KIF5C: variants seen among roughly 807,000 people sequenced by gnomAD.
KIF5C encodes the protein kinesin heavy chain isoform 5C.
KIF5C carries 18 observed loss-of-function variants against 125.2 expected under a neutral mutation model. That is an observed-to-expected ratio of 0.14 (90% CI 0.10 to 0.21). The LOEUF is 0.21. Ranked by LOEUF, KIF5C falls within the 10% of genes least tolerant of loss-of-function variation. The probability of loss-of-function intolerance (pLI) is 1.00; values close to 1 mark genes in which losing one functional copy is unlikely to be tolerated. For missense variants in KIF5C, 780 were observed against 1,183.8 expected, an observed-to-expected ratio of 0.66 and a Z score of 5.01; for synonymous variants, 405 against 434.0, an observed-to-expected ratio of 0.93 and a Z score of 0.83.
intron 1 of KIF5C, among the ~76,000 whole-genome samples, chr2:148,901,117 A>T (rs1466183097): frequency 1.3e-5 from 2 of 152,200 alleles, no homozygotes; most frequent in Non-Finnish European, 2.9e-5. Context: ...TGTTGCGAGG[A>T]TATCTAATTG....
At chr2:148,925,699 A>G (rs944509657) in intron 2 of KIF5C, among the ~76,000 whole-genome samples, 1 of 152,104 alleles carries the variant, frequency 6.6e-6, no homozygotes, top group African/African-American at 2.4e-5. Context: ...TTATTTTATG[A>G]GTGGTCCCTG....
intron 22 of KIF5C, among the ~76,000 whole-genome samples, chr2:149,006,699 C>G (rs984807616): frequency 6.6e-6 from 1 of 152,194 alleles, no homozygotes; most frequent in Non-Finnish European, 1.5e-5. Flanking sequence ...TGGGCAATTT[C>G]AAGGCCTGCA....
intron 11 of KIF5C, among the ~76,000 whole-genome samples, chr2:148,963,313 C>T (rs116156384): frequency 1.5e-3 from 223 of 151,954 alleles, no homozygotes; most frequent in Non-Finnish European, 2.8e-3. Flanking sequence ...GGTAGGAGCC[C>T]GGGGGCTGTT....
intron 19 of KIF5C, chr2:148,998,782 A>T: frequency 3.6e-6 from 1 of 280,582 alleles, no homozygotes; most frequent in Non-Finnish European, 6.9e-6. Context: ...ATTCCGCTGG[A>T]TGGACGCATG....
intron 25 of KIF5C, 128 bp downstream of exon 25, chr2:149,011,811 G>T: frequency 1.5e-6 from 2 of 1,312,786 alleles, no homozygotes; most frequent in Non-Finnish European, 1.0e-6. Context: ...CACCCTGGGG[G>T]TTCCAGGTAA....
intron 1 of KIF5C, among the ~76,000 whole-genome samples, chr2:148,920,491 C>T (rs1196250127): frequency 6.6e-6 from 1 of 152,168 alleles, no homozygotes; most frequent in Admixed American, 6.5e-5. Flanking sequence ...TTACTGCAAA[C>T]AAAACATCAG....
chr2:148,932,416 A>G (rs529939350), intron 3 of KIF5C, among the ~76,000 whole-genome samples: 1 of 152,286 alleles, frequency 6.6e-6, no homozygotes, highest in Admixed American at 6.5e-5. Flanking sequence ...CTCAAGATGG[A>G]GCATTTAAGG....
At chr2:149,002,648 C>T (rs553297896) in intron 21 of KIF5C, among the ~76,000 whole-genome samples, 5 of 152,316 alleles carry the variant, frequency 3.3e-5, no homozygotes, top group East Asian at 3.9e-4. Flanking sequence ...CACACCCACA[C>T]GCATGTTCAC....
rs1314108711 is a variant in KIF5C at position 148,945,848 on chromosome 2, T to A, written c.590-1051T>A. On this transcript the variant is annotated intron_variant, in intron 7 of 25. Transcript: ENST00000435030. ...TAAATTTTAGGATGGATTTTTCTGC[T>A]TCTATAAAATATGTCATTGAAATTT... Among the ~76,000 whole-genome samples the A allele has an allele frequency of 2.0e-5, 3 of 152,214 alleles. No homozygotes were observed. The East Asian group carries it at 5.8e-4, about 29-fold the overall frequency.
chr2:148,951,499 G>A (rs1488176813), intron 10 of KIF5C, among the ~76,000 whole-genome samples: 1 of 152,096 alleles, frequency 6.6e-6, no homozygotes, highest in Admixed American at 6.5e-5. Flanking sequence ...CTTCAGGCAT[G>A]TTTCCTCAGT....
At chr2:149,020,364 C>T (rs531441472) in intron 25 of KIF5C, 1 of 152,286 alleles carries the variant, frequency 6.6e-6, no homozygotes, top group South Asian at 2.1e-4. Flanking sequence ...TTTTCCTCTC[C>T]TTTCTCACTC....
At chr2:148,976,245 T>TTTTATTTATTTGTTTA (rs1681065674) in intron 12 of KIF5C, among the ~76,000 whole-genome samples, 1 of 143,876 alleles carries the variant, frequency 7.0e-6, no homozygotes, top group Admixed American at 6.9e-5. Context: ...TATTATTTTG[T>TTTTATTTATTTGTTTA]TTTATTTATT....
chr2:148,977,012 T>G (rs562660755), intron 12 of KIF5C, among the ~76,000 whole-genome samples: 2 of 152,360 alleles, frequency 1.3e-5, no homozygotes, highest in Admixed American at 6.5e-5. Context: ...TTCTAAGAGA[T>G]GCAGTTGAAT....
At chr2:148,942,990 G>A (rs915106938) in intron 7 of KIF5C, among the ~76,000 whole-genome samples, 2 of 152,156 alleles carry the variant, frequency 1.3e-5, no homozygotes, top group African/African-American at 4.8e-5. Flanking sequence ...GAGATATTGG[G>A]TGAGACTTAC....
intron 21 of KIF5C, 115 bp from the exon 22 acceptor site, chr2:149,005,278 G>A (rs1326823740): frequency 2.0e-6 from 3 of 1,492,406 alleles, no homozygotes; most frequent in Non-Finnish European, 2.7e-6. Flanking sequence ...GGAAGGGGGT[G>A]CACCAGCGGC....
In KIF5C at chr2:148,994,340, G is replaced by A. The variant is rs557814970; in HGVS notation, c.1906-81G>A. On this transcript the variant is annotated intron_variant, in intron 16 of 25. Coordinates refer to ENST00000435030, the MANE Select transcript of KIF5C (RefSeq NM_004522.3). ...GGGACTCAGGAACCCCTCCTCTCTC[G>A]CATTTTCCTACCAGACAATTCCAGG... The A allele has an allele frequency of 7.4e-5, 112 of 1,504,246 alleles. 1 individual carries two copies. Among genetic ancestry groups the A allele is most frequent in the South Asian group, 3.0e-4 (23 of 76,372 alleles). 93.2% of individuals were successfully genotyped at this position (1,504,246 alleles called of 1,614,324 possible).
chr2:148,930,776 GT>G (rs1346132042), intron 3 of KIF5C, among the ~76,000 whole-genome samples: 6 of 152,240 alleles, frequency 3.9e-5, no homozygotes, highest in Non-Finnish European at 7.4e-5. Flanking sequence ...GAAGCATGAG[GT>G]TTATTTATCA....
At chr2:148,948,359 A>G (rs1682574934) in intron 8 of KIF5C, among the ~76,000 whole-genome samples, 2 of 151,026 alleles carry the variant, frequency 1.3e-5, no homozygotes, top group Non-Finnish European at 3.0e-5. Flanking sequence ...TCTGTCTCAA[A>G]AAAAAAAAAA....
At chr2:148,955,623 A>G (rs1292529609) in intron 10 of KIF5C, among the ~76,000 whole-genome samples, 2 of 151,900 alleles carry the variant, frequency 1.3e-5, no homozygotes, top group Admixed American at 6.6e-5. Flanking sequence ...GTAGGATTTT[A>G]TATATACAAT....
Sources: gnomAD v4.1 joint callset for allele counts (sites outside exome capture counted in the v4.1 genomes callset) on GRCh38, gnomAD v4.1.1 for gene constraint, MANE v1.5 for transcripts, NCBI Gene and HGNC (gene_info 2026-07-23, HGNC 2026-07-21) for gene names.